The following PARP11 variants were observed in gnomAD, a reference collection of about 807,000 sequenced individuals.
PARP11 encodes the protein poly(ADP-ribose) polymerase family member 11.
PARP11 carries 31 observed loss-of-function variants against 42.9 expected under a neutral mutation model. The observed-to-expected ratio is 0.72, with a 90% confidence interval of 0.54 to 0.98. The LOEUF (loss-of-function observed/expected upper bound fraction) is 0.98. Among genes scored for constraint, PARP11 ranks in the 50% least tolerant of loss-of-function variants. The pLI, the probability that PARP11 is intolerant of heterozygous loss-of-function variation, is 0.00. For missense variants in PARP11, 365 were observed against 413.1 expected (o/e 0.88, Z 1.01); for synonymous variants, 137 against 127.3 (o/e 1.08, Z -0.51).
intron 1 of PARP11, among the ~76,000 whole-genome samples, chr12:3,865,440 T>C (rs1948374684): frequency 6.6e-6 from 1 of 152,164 alleles, no homozygotes; most frequent in Non-Finnish European, 1.5e-5. Flanking sequence ...TTCCATCAAT[T>C]ATTTGGAGAA....
intron 1 of PARP11, chr12:3,872,909 GT>G (rs1948517566): frequency 1.1e-5 from 5 of 438,446 alleles, no homozygotes; most frequent in African/African-American, 2.2e-5. Flanking sequence ...CTGGACAACA[GT>G]GCGAGACTCC....
intron 1 of PARP11, among the ~76,000 whole-genome samples, chr12:3,872,143 G>A (rs1355391336): frequency 6.6e-6 from 1 of 152,148 alleles, no homozygotes; most frequent in Non-Finnish European, 1.5e-5. Context: ...AGGAAGAAAT[G>A]ATACACAGAG....
chr12:3,832,441 C>T (rs1947662531), intron 1 of PARP11, among the ~76,000 whole-genome samples: 3 of 152,164 alleles, frequency 2.0e-5, no homozygotes, highest in South Asian at 4.1e-4. Flanking sequence ...CACTTCTTCC[C>T]CTAAGTTACC....
chr12:3,831,033 A>G (rs909923441), intron 1 of PARP11, among the ~76,000 whole-genome samples: 1 of 152,222 alleles, frequency 6.6e-6, no homozygotes, highest in Non-Finnish European at 1.5e-5. Flanking sequence ...ATTAAACTCA[A>G]TCTGGAATTT....
rs1565527203 is a variant in PARP11, at chr12:3,810,641, G to GAAGGAA, written c.*1481_*1482insTTCCTT. ...AAGGGAGGAGGGAGGGAGGGAGGGA[G>GAAGGAA]GGAAAGAAGGAAGGAAGGAAGGAAG... On this transcript the variant is annotated 3_prime_UTR_variant, in exon 8 of 8. Coordinates refer to ENST00000228820, the MANE Select transcript of PARP11 (RefSeq NM_020367.6). 44 of 113,770 alleles carry GAAGGAA rather than the reference G, an allele frequency of 3.9e-4. No homozygotes were observed. Among genetic ancestry groups the GAAGGAA allele is most frequent in the Middle Eastern group, 4.1e-3 (1 of 242 alleles). The allele number at this position is 113,770 out of a possible 1,614,324, so 7.0% of individuals were successfully genotyped here.
intron 1 of PARP11, among the ~76,000 whole-genome samples, chr12:3,863,200 T>G (rs2138121290): frequency 6.6e-6 from 1 of 152,358 alleles, no homozygotes; most frequent in Admixed American, 6.5e-5. Flanking sequence ...CATTGATTTT[T>G]GTATATGAAT....
chr12:3,868,015 A>C (rs1046164138), intron 1 of PARP11, among the ~76,000 whole-genome samples: 1 of 152,202 alleles, frequency 6.6e-6, no homozygotes, highest in South Asian at 2.1e-4. Flanking sequence ...GTGGCACAAC[A>C]TTTCCTAATT....
At chr12:3,824,620 T>C (rs892379513) in intron 4 of PARP11, 3 of 984,184 alleles carry the variant, frequency 3.0e-6, no homozygotes, top group Admixed American at 1.2e-4. Context: ...TTGCTTATTG[T>C]CCTCCATTCT....
At chr12:3,859,714 T>C (rs969035930) in intron 1 of PARP11, among the ~76,000 whole-genome samples, 8 of 152,260 alleles carry the variant, frequency 5.3e-5, no homozygotes, top group Admixed American at 1.3e-4. Flanking sequence ...AAATACACTT[T>C]AGATTCAAAG....
At chr12:3,855,312 G>A (rs1372498563) in intron 1 of PARP11, among the ~76,000 whole-genome samples, 1 of 152,118 alleles carries the variant, frequency 6.6e-6, no homozygotes, top group Non-Finnish European at 1.5e-5. Context: ...AAAATAAAGG[G>A]TATCCAATTA....
intron 1 of PARP11, among the ~76,000 whole-genome samples, chr12:3,839,096 GC>G (rs1477279134): frequency 6.6e-6 from 1 of 151,860 alleles, no homozygotes; most frequent in Admixed American, 6.6e-5. Flanking sequence ...CGTACGGACA[GC>G]CATGCATTAG....
At chr12:3,872,405 G>C (rs1220118003) in intron 1 of PARP11, 1 of 350,390 alleles carries the variant, frequency 2.9e-6, no homozygotes, top group Non-Finnish European at 4.0e-6. Flanking sequence ...CCTTACAATG[G>C]GTGGTGAGGA....
Position 3,813,523 on chromosome 12 carries a change from C to T in PARP11, c.700+514G>A, listed in dbSNP as rs186622593. 1.1e-3 allele frequency among the ~76,000 whole-genome samples: 168 copies of T among 152,338 alleles called. 2 individuals carry two copies. Among genetic ancestry groups the T allele is most frequent in the Non-Finnish European group, 8.8e-4 (60 of 68,020 alleles). The stretch of plus-strand genomic sequence containing the variant: ...TGCAAAGTCTCATATTTACCTAACA[C>T]TGATGGGATTTATGTAACACCTTCT... On this transcript the variant is annotated intron_variant, in intron 7 of 7. Transcript: ENST00000228820.
chr12:3,828,926 G>A lies in PARP11; in HGVS notation c.252C>T (p.Tyr84=), dbSNP rs1306881285. 1 of 1,613,900 alleles carries A rather than the reference G, an allele frequency of 6.2e-7. No homozygotes were observed. The change falls in exon 3 of 8, where the codon TAC becomes TAT. Residue 84 remains tyrosine (Y), a synonymous_variant. Coordinates refer to ENST00000228820, the MANE Select transcript of PARP11 (RefSeq NM_020367.6). Reference sequence around the variant, plus strand: ...AAAACATACCTGCAAAGTCTATCTTGTAGCTGAATTTGGAAGTAGTAAAAG... The same window carrying A: ...AAAACATACCTGCAAAGTCTATCTTATAGCTGAATTTGGAAGTAGTAAAAG... ...SISFTTSKFS[Y]KIDFAEMKQM...
intron 1 of PARP11, among the ~76,000 whole-genome samples, chr12:3,851,251 G>A (rs544670689): frequency 6.6e-6 from 1 of 152,290 alleles, no homozygotes; most frequent in Admixed American, 6.5e-5. Context: ...ATGTCATTGG[G>A]ACTGGTTGGG....
intron 1 of PARP11, among the ~76,000 whole-genome samples, chr12:3,845,143 C>A (rs1421872375): frequency 6.6e-6 from 1 of 152,218 alleles, no homozygotes. Context: ...TTCCAGCCCC[C>A]TTTTCCCTTT....
At chr12:3,838,999 G>C (rs1242927419) in intron 1 of PARP11, among the ~76,000 whole-genome samples, 1 of 152,160 alleles carries the variant, frequency 6.6e-6, no homozygotes, top group East Asian at 1.9e-4. Flanking sequence ...CGAGGCCGTC[G>C]GGAAGTGACT....
Position 3,820,662 on chromosome 12 carries a change from A to T in PARP11, c.548+1211T>A, listed in dbSNP as rs894441969. On this transcript the variant is annotated intron_variant, in intron 6 of 7. Coordinates refer to ENST00000228820, the MANE Select transcript of PARP11 (RefSeq NM_020367.6). The stretch of plus-strand genomic sequence containing the variant: ...GAATAATGAATTAAATTTTCATCAG[A>T]CTATTTCAGAAAAACTTACTTTATT... Among the ~76,000 whole-genome samples, 7 of 152,220 alleles carry T rather than the reference A, an allele frequency of 4.6e-5. 1 individual carries two copies. The highest frequency in any genetic ancestry group is 4.6e-4 in the Admixed American group (7 of 15,286).
chr12:3,818,637 A>G (rs994674396), intron 6 of PARP11, among the ~76,000 whole-genome samples: 1 of 152,254 alleles, frequency 6.6e-6, no homozygotes, highest in African/African-American at 2.4e-5. Context: ...TTCTTGAAAA[A>G]GTTGTCAACA....
Sources: allele counts gnomAD v4.1 joint callset (sites outside exome capture counted in the v4.1 genomes callset), GRCh38; gene constraint gnomAD v4.1.1; transcripts MANE v1.5; gene names NCBI Gene and HGNC (gene_info 2026-07-23, HGNC 2026-07-21).